The following NRXN3 variants were observed in gnomAD, a reference collection of about 807,000 sequenced individuals.
NRXN3 encodes neurexin 3.
Under a neutral mutation model 137.6 loss-of-function variants are expected in NRXN3, and 32 were observed. The ratio of observed to expected loss-of-function variants is 0.23; its 90% CI spans 0.18 to 0.31. The LOEUF is 0.31. Among genes scored for constraint, NRXN3 ranks in the 10% least tolerant of loss-of-function variants. The pLI is 1.00. For synonymous variants in NRXN3, 798 were observed against 784.5 expected (o/e 1.02, Z -0.29); for missense variants, 1,574 against 2,062.5 (o/e 0.76, Z 4.59).
chr14:78,536,143 C>T (rs1318779464), intron 4 of NRXN3, among the ~76,000 whole-genome samples: 5 of 152,140 alleles, frequency 3.3e-5, no homozygotes, highest in Admixed American at 6.5e-5. Context: ...CATTTTTCTG[C>T]CTGGGGGCTT....
At chr14:79,542,385 A>T (rs571935072) in intron 16 of NRXN3, among the ~76,000 whole-genome samples, 1 of 152,352 alleles carries the variant, frequency 6.6e-6, no homozygotes, top group Non-Finnish European at 1.5e-5. Context: ...AAGACCCATA[A>T]TAAGAGTCTC....
chr14:78,243,365 TGGACTGTGCCGAGACTGCC>T lies in NRXN3; in HGVS notation c.274_292del (p.Asp92CysfsTer7), dbSNP rs1567059372. 1 of 1,564,108 alleles carries T rather than the reference TGGACTGTGCCGAGACTGCC, an allele frequency of 6.4e-7. No homozygotes were observed. The highest frequency in any genetic ancestry group is 8.6e-7 in the Non-Finnish European group (1 of 1,162,430). Reference sequence around the variant, plus strand: ...GGCCGCGTTCAGCTCCGCTTCAGCATGGACTGTGCCGAGACTGCCGTGCTGTCCAACAAGCAGGTGAATG... The same window carrying T: ...GGCCGCGTTCAGCTCCGCTTCAGCATGTGCTGTCCAACAAGCAGGTGAATG... On this transcript the variant is annotated frameshift_variant, in exon 2 of 21. Transcript: ENST00000335750. LOFTEE classifies it high-confidence loss of function. The surrounding 1 kb of genome is among the most constrained non-coding windows in gnomAD (Gnocchi z 4.2).
Position 79,862,219 on chromosome 14 carries a change from G to GT in NRXN3, c.*256dup. On this transcript the variant is annotated 3_prime_UTR_variant, in exon 21 of 21. Transcript: ENST00000335750. The stretch of plus-strand genomic sequence containing the variant: ...GAGACAGAAGGTTTTGTGCCCTGCT[G>GT]TATCATAAAGCACACACTTAGCGCT... 4.6e-6 allele frequency: 2 copies of GT among 433,394 alleles called. No individual in the cohort carries two copies. Among genetic ancestry groups the GT allele is most frequent in the Non-Finnish European group, 8.4e-6 (2 of 237,372 alleles). 26.8% of individuals were successfully genotyped at this position (433,394 alleles called of 1,614,324 possible).
intron 10 of NRXN3, among the ~76,000 whole-genome samples, chr14:78,877,482 A>G (rs1194521390): frequency 6.6e-6 from 1 of 152,104 alleles, no homozygotes; most frequent in Non-Finnish European, 1.5e-5. Context: ...TTCAAAATAC[A>G]TACTGCCTTG....
intron 10 of NRXN3, among the ~76,000 whole-genome samples, chr14:78,863,267 A>C (rs1352624391): frequency 1.3e-5 from 2 of 152,126 alleles, no homozygotes; most frequent in Non-Finnish European, 2.9e-5. Flanking sequence ...AAAGAAAACA[A>C]ATTTTGCATT....
chr14:79,617,916 G>GAAAAAAAAAAAAAAA (rs2098175722), intron 16 of NRXN3, among the ~76,000 whole-genome samples: 1 of 64,304 alleles, frequency 1.6e-5, no homozygotes, highest in African/African-American at 2.6e-4. Flanking sequence ...CTGAATAGCA[G>GAAAAAAAAAAAAAAA]CAAAAAAAAA....
intron 15 of NRXN3, among the ~76,000 whole-genome samples, chr14:79,016,788 TC>T (rs1437110842): frequency 6.6e-6 from 1 of 152,184 alleles, no homozygotes; most frequent in Non-Finnish European, 1.5e-5. Flanking sequence ...CGCCAAGCTC[TC>T]CCTGCTCCAG....
chr14:79,393,843 A>G (rs771115081), intron 15 of NRXN3, among the ~76,000 whole-genome samples: 2 of 152,182 alleles, frequency 1.3e-5, no homozygotes, highest in Non-Finnish European at 2.9e-5. Flanking sequence ...CAAAAGTTAT[A>G]GTTCAGAATA....
At chr14:78,210,226 G>A (rs1004926028) in intron 1 of NRXN3, among the ~76,000 whole-genome samples, 3 of 152,134 alleles carry the variant, frequency 2.0e-5, no homozygotes, top group Non-Finnish European at 4.4e-5. Flanking sequence ...TTCAGTGTCT[G>A]GTGAGGGCCA....
At chr14:78,779,267 G>A (rs2098759855) in intron 8 of NRXN3, among the ~76,000 whole-genome samples, 1 of 151,710 alleles carries the variant, frequency 6.6e-6, no homozygotes, top group Non-Finnish European at 1.5e-5. Context: ...AAAGATAAAG[G>A]AACAGAAGCA....
intron 16 of NRXN3, among the ~76,000 whole-genome samples, chr14:79,500,110 T>G (rs558165241): frequency 2.0e-5 from 3 of 152,220 alleles, no homozygotes; most frequent in Admixed American, 2.0e-4. Context: ...GAAAGGTGCT[T>G]CTGTTTCTGT....
At chr14:79,059,025 TGAACTAATACA>T (rs2099670153) in intron 15 of NRXN3, among the ~76,000 whole-genome samples, 1 of 152,118 alleles carries the variant, frequency 6.6e-6, no homozygotes, top group Non-Finnish European at 1.5e-5. Context: ...AGTGTGAAAA[TGAACTAATACA>T]GTATGTAAAA....
At chr14:79,674,890 A>G (rs2098632182) in intron 17 of NRXN3, among the ~76,000 whole-genome samples, 1 of 152,070 alleles carries the variant, frequency 6.6e-6, no homozygotes, top group African/African-American at 2.4e-5. Context: ...CCTCCAAGTG[A>G]CTGAAAACTG....
intron 19 of NRXN3, among the ~76,000 whole-genome samples, chr14:79,751,179 G>A (rs538974777): frequency 4.6e-5 from 7 of 152,164 alleles, no homozygotes; most frequent in Admixed American, 3.3e-4. Flanking sequence ...CCATTTTCAC[G>A]ATATTGATTC....
At chr14:79,089,685 AT>A (rs34684651) in intron 15 of NRXN3, among the ~76,000 whole-genome samples, 150,369 of 151,758 alleles carry the variant, frequency 0.99, 74,520 homozygotes, top group Middle Eastern at 1. Context: ...CTAAAATCAG[AT>A]TTTTTTTTTC....
rs555128890 is a variant in NRXN3, at chr14:78,770,914, G to A, written c.2045-32706G>A. Among the ~76,000 whole-genome samples, 295 of 152,256 alleles carry A rather than the reference G, an allele frequency of 1.9e-3. 1 individual carries two copies. The highest frequency in any genetic ancestry group is 6.6e-3 in the African/African-American group (275 of 41,552). ...GCAAAGGCCCTCCACTTTAATAAGC[G>A]TTGTAACTTTCTCTTTCATTGTTGG... On this transcript the variant is annotated intron_variant, in intron 8 of 20. Coordinates refer to ENST00000335750, the MANE Select transcript of NRXN3 (RefSeq NM_001330195.2).
intron 15 of NRXN3, among the ~76,000 whole-genome samples, chr14:79,011,073 C>T (rs897340762): frequency 5.3e-5 from 8 of 151,514 alleles, no homozygotes; most frequent in Admixed American, 2.0e-4. Context: ...CCAGATGGTG[C>T]GCAACCCACA....
intron 10 of NRXN3, among the ~76,000 whole-genome samples, chr14:78,866,882 C>G (rs2099088318): frequency 6.7e-6 from 1 of 148,512 alleles, no homozygotes; most frequent in African/African-American, 2.5e-5. Context: ...GTTGTAACCT[C>G]CGCCTCCCAG....
chr14:78,684,314 C>T (rs187312331), intron 6 of NRXN3, among the ~76,000 whole-genome samples: 249 of 152,240 alleles, frequency 1.6e-3, no homozygotes, highest in Non-Finnish European at 2.5e-3. Flanking sequence ...GAAATTGGCA[C>T]ATGAGGTTAA....
Sources: gnomAD v4.1 joint callset for allele counts (sites outside exome capture counted in the v4.1 genomes callset) on GRCh38, gnomAD v4.1.1 for gene constraint, Gnocchi (gnomAD v3.1) non-coding constraint, MANE v1.5 for transcripts, NCBI Gene and HGNC (gene_info 2026-07-23, HGNC 2026-07-21) for gene names.